The following GRM7 variants were observed in gnomAD, a reference collection of about 807,000 sequenced individuals.
The protein encoded by GRM7 is metabotropic glutamate receptor 7.
A neutral mutation model predicts 84.5 loss-of-function variants in GRM7; 35 were observed. That is an observed-to-expected ratio of 0.41 (90% confidence interval 0.32 to 0.55). The LOEUF (loss-of-function observed/expected upper bound fraction) is 0.55. Among genes scored for constraint, GRM7 ranks in the 20% least tolerant of loss-of-function variants. The probability of loss-of-function intolerance (pLI) is 0.19; values close to 1 mark genes in which losing one functional copy is unlikely to be tolerated. For missense variants in GRM7, 1,003 were observed against 1,194.6 expected, an observed-to-expected ratio of 0.84 and a Z score of 2.36; for synonymous variants, 487 against 455.1, an observed-to-expected ratio of 1.07 and a Z score of -0.89.
chr3:7,007,833 G>C (rs1695231834), intron 1 of GRM7, among the ~76,000 whole-genome samples: 1 of 152,148 alleles, frequency 6.6e-6, no homozygotes, highest in Non-Finnish European at 1.5e-5. Context: ...TTCTGAAACT[G>C]CACAGAGGTT....
intron 1 of GRM7, among the ~76,000 whole-genome samples, chr3:7,120,444 A>G (rs1693179739): frequency 6.6e-6 from 1 of 152,144 alleles, no homozygotes; most frequent in African/African-American, 2.4e-5. Context: ...GATTGATTGA[A>G]CAATAAACTT....
chr3:7,707,930 ATTTTTTTT>A (rs34344224), intron 9 of GRM7, among the ~76,000 whole-genome samples: 20 of 123,672 alleles, frequency 1.6e-4, no homozygotes, highest in African/African-American at 5.5e-4. Flanking sequence ...GAAGCTTTCA[ATTTTTTTT>A]TTTTTTTTTT....
At chr3:7,421,464 T>C (rs1696388961) in intron 5 of GRM7, among the ~76,000 whole-genome samples, 1 of 152,230 alleles carries the variant, frequency 6.6e-6, no homozygotes, top group African/African-American at 2.4e-5. Flanking sequence ...CCTATTGTTT[T>C]GTAGAAATTC....
intron 4 of GRM7, among the ~76,000 whole-genome samples, chr3:7,319,605 A>C (rs567142938): frequency 2.6e-5 from 4 of 152,178 alleles, no homozygotes; most frequent in African/African-American, 9.6e-5. Flanking sequence ...GAATGTCTAC[A>C]GTATGGCAAA....
chr3:7,094,575 C>A (rs554275507), intron 1 of GRM7, among the ~76,000 whole-genome samples: 2 of 152,130 alleles, frequency 1.3e-5, no homozygotes, highest in Non-Finnish European at 2.9e-5. Context: ...AGTTGCACTC[C>A]CATTGGGCAA....
At chr3:6,871,304 C>T (rs371600699) in intron 1 of GRM7, among the ~76,000 whole-genome samples, 5 of 152,046 alleles carry the variant, frequency 3.3e-5, no homozygotes, top group African/African-American at 1.2e-4. Flanking sequence ...ACAATCAATT[C>T]TGAGCTACTT....
chr3:6,960,485 T>C (rs1270597034), intron 1 of GRM7, among the ~76,000 whole-genome samples: 1 of 152,208 alleles, frequency 6.6e-6, no homozygotes, highest in African/African-American at 2.4e-5. Flanking sequence ...AATCCCATCA[T>C]GCCTTTATTC....
At chr3:7,708,595 T>C (rs928890416) in intron 9 of GRM7, among the ~76,000 whole-genome samples, 1 of 152,014 alleles carries the variant, frequency 6.6e-6, no homozygotes, top group African/African-American at 2.4e-5. Flanking sequence ...AGGAAGGTAA[T>C]AGGGTTTGAA....
intron 7 of GRM7, among the ~76,000 whole-genome samples, chr3:7,537,869 A>G (rs1692641205): frequency 2.0e-5 from 3 of 152,240 alleles, no homozygotes; most frequent in African/African-American, 7.2e-5. Flanking sequence ...CTACTGATGT[A>G]GGCCAATATG....
chr3:6,861,532 C>T lies in GRM7; in HGVS notation c.144C>T (p.Asp48=), dbSNP rs142650646. ...YAPHSIRIEG[D]VTLGGLFPVH... ...CGCACTCAATCCGGATCGAGGGGGA[C>T]GTCACCCTCGGGGGGCTGTTCCCCG... Residue 48 remains aspartate (D), a synonymous_variant, in exon 1 of 10, where the codon GAC becomes GAT. Transcript: ENST00000357716. This position sits in a 1 kb window ranked among gnomAD's most constrained non-coding sequence, Gnocchi z 6.4. 3,223 of 1,579,858 alleles carry T rather than the reference C, an allele frequency of 2.0e-3. 4 individuals carry two copies. Among genetic ancestry groups the T allele is most frequent in the Non-Finnish European group, 2.5e-3 (2,941 of 1,163,604 alleles).
intron 2 of GRM7, among the ~76,000 whole-genome samples, chr3:7,275,798 A>G (rs1699030380): frequency 6.6e-6 from 1 of 152,160 alleles, no homozygotes. Flanking sequence ...TATTCACTGT[A>G]AGAACCAAAC....
At chr3:7,498,163 A>T (rs1036697888) in intron 7 of GRM7, among the ~76,000 whole-genome samples, 1 of 152,180 alleles carries the variant, frequency 6.6e-6, no homozygotes, top group African/African-American at 2.4e-5. Context: ...AGCATTTCCC[A>T]CAAGTAAACC....
intron 1 of GRM7, among the ~76,000 whole-genome samples, chr3:6,883,680 T>C (rs1695591346): frequency 6.6e-6 from 1 of 152,198 alleles, no homozygotes; most frequent in Non-Finnish European, 1.5e-5. Context: ...GCATAATTAA[T>C]TTTGTTAGTA....
chr3:6,974,915 C>T (rs1256058737), intron 1 of GRM7, among the ~76,000 whole-genome samples: 1 of 151,954 alleles, frequency 6.6e-6, no homozygotes, highest in African/African-American at 2.4e-5. Context: ...ATAGATCGTG[C>T]TTTGGGGGCA....
chr3:7,178,979 A>G (rs1695247939), intron 2 of GRM7, among the ~76,000 whole-genome samples: 1 of 151,998 alleles, frequency 6.6e-6, no homozygotes, highest in African/African-American at 2.4e-5. Flanking sequence ...GGTGGCATGC[A>G]CCTGTAATCC....
At position 7,414,504 on chromosome 3, in the gene GRM7, G is replaced by T. The variant is rs542854339; in HGVS notation, c.1034-519G>T. On this transcript the variant is annotated intron_variant, in intron 4 of 9. Transcript: ENST00000357716. ...ACATTTAAAGTCACACTGTCCTAAA[G>T]AGGAAGCTAGAGAGTTCCTGGCGTC... 1.3e-4 allele frequency among the ~76,000 whole-genome samples: 20 copies of T among 152,212 alleles called. No homozygotes were observed. The East Asian group carries it at 3.7e-3, about 28-fold the overall frequency.
intron 8 of GRM7, among the ~76,000 whole-genome samples, chr3:7,597,984 A>G (rs1299653007): frequency 6.6e-6 from 1 of 152,114 alleles, no homozygotes; most frequent in Non-Finnish European, 1.5e-5. Context: ...TACTTCCATA[A>G]GCAGAGAATG....
At chr3:6,959,111 G>C (rs765648998) in intron 1 of GRM7, among the ~76,000 whole-genome samples, 80 of 152,204 alleles carry the variant, frequency 5.3e-4, no homozygotes, top group Non-Finnish European at 9.4e-4. Flanking sequence ...GTAATATGTG[G>C]CAGAATTAAG....
intron 3 of GRM7, among the ~76,000 whole-genome samples, chr3:7,305,232 C>G (rs1292708632): frequency 6.6e-6 from 1 of 151,990 alleles, no homozygotes; most frequent in Non-Finnish European, 1.5e-5. Flanking sequence ...CACCTCTTAT[C>G]TACCTTTTAC....
Sources: allele counts gnomAD v4.1 joint callset (sites outside exome capture counted in the v4.1 genomes callset), GRCh38; gene constraint gnomAD v4.1.1; non-coding constraint Gnocchi (gnomAD v3.1); transcripts MANE v1.5; gene names NCBI Gene and HGNC (gene_info 2026-07-23, HGNC 2026-07-21).